The following PCGF3 variants were observed in gnomAD, a reference collection of about 807,000 sequenced individuals.
PCGF3 encodes polycomb group RING finger protein 3.
In PCGF3, 7 loss-of-function variants were observed where a neutral mutation model predicts 33.1. That is an observed-to-expected ratio of 0.21 (90% CI 0.12 to 0.40). The LOEUF (loss-of-function observed/expected upper bound fraction) is 0.40, where lower values mean the gene tolerates loss of function less well. PCGF3 is among the 10% of genes least tolerant of loss of function. The probability of loss-of-function intolerance (pLI) is 1.00; values close to 1 mark genes in which losing one functional copy is unlikely to be tolerated. For synonymous variants in PCGF3, 153 were observed against 121.3 expected, an observed-to-expected ratio of 1.26 and a Z score of -1.72; for missense variants, 211 against 313.3, an observed-to-expected ratio of 0.67 and a Z score of 2.46.
intron 5 of PCGF3, among the ~76,000 whole-genome samples, 198 bp from the exon 6 acceptor site, chr4:737,268 G>C (rs1743876572): frequency 6.6e-6 from 1 of 152,222 alleles, no homozygotes; most frequent in Admixed American, 6.5e-5. Context: ...GAAGCAGCCA[G>C]AGCCCAAGTT....
intron 8 of PCGF3, among the ~76,000 whole-genome samples, chr4:753,467 G>A (rs1012917346): frequency 3.9e-5 from 6 of 151,952 alleles, no homozygotes; most frequent in Admixed American, 6.6e-5. Flanking sequence ...ATCCTGGCTA[G>A]CACAGTGAAA....
rs749703295 is a variant in PCGF3 at position 720,976 on chromosome 4, G to A, written c.-189-9654G>A. Among the ~76,000 whole-genome samples, 1 of 152,152 alleles carries A rather than the reference G, an allele frequency of 6.6e-6. No homozygotes were observed. Among genetic ancestry groups the A allele is most frequent in the African/African-American group, 2.4e-5 (1 of 41,426 alleles). On this transcript the variant is annotated intron_variant, in intron 1 of 10. Coordinates refer to ENST00000362003, the Ensembl canonical transcript of PCGF3. The surrounding 1 kb of genome is among the most constrained non-coding windows in gnomAD (Gnocchi z 5.6). The stretch of plus-strand genomic sequence containing the variant: ...CTCTGGCATGGTCCAGGGAGTGGCC[G>A]AGGACAGCAAGGAGGAGATGACCCC...
chr4:714,409 G>A (rs1742716169), intron 1 of PCGF3, among the ~76,000 whole-genome samples: 1 of 152,208 alleles, frequency 6.6e-6, no homozygotes, highest in Admixed American at 6.5e-5. Context: ...TTGCTGGGAA[G>A]GTGAGTCCCA....
intron 8 of PCGF3, among the ~76,000 whole-genome samples, chr4:758,165 CAA>C (rs61081270): frequency 2.8e-3 from 156 of 54,894 alleles, no homozygotes; most frequent in East Asian, 0.025. Flanking sequence ...GACTCTGTCT[CAA>C]AAAAAAAAAA....
intron 1 of PCGF3, among the ~76,000 whole-genome samples, chr4:727,231 G>GTTTTT (rs1276834611): frequency 2.2e-4 from 21 of 93,868 alleles, no homozygotes; most frequent in South Asian, 4.4e-4. Context: ...GTTAGCGAGC[G>GTTTTT]TCTTTTTTTT....
At chr4:743,771 G>A in intron 7 of PCGF3, 187 bp downstream of exon 7, 1 of 525,524 alleles carries the variant, frequency 1.9e-6, no homozygotes, top group East Asian at 3.2e-5. Context: ...TGGGAACGTG[G>A]GCAGAGGGGA....
At chr4:706,492 A>G (rs566475945) in intron 1 of PCGF3, among the ~76,000 whole-genome samples, 55 of 132,588 alleles carry the variant, frequency 4.1e-4, no homozygotes, top group African/African-American at 1.4e-3. Context: ...GAGGGCCAAG[A>G]CCCCAGACCA....
intron 1 of PCGF3, among the ~76,000 whole-genome samples, chr4:708,821 A>G (rs1742445062): frequency 1.3e-5 from 2 of 152,076 alleles, no homozygotes; most frequent in South Asian, 2.1e-4. Flanking sequence ...ACTCCTGGGC[A>G]TATTTTGGGG....
At chr4:723,252 G>T (rs1009560255) in intron 1 of PCGF3, among the ~76,000 whole-genome samples, 1 of 152,244 alleles carries the variant, frequency 6.6e-6, no homozygotes, top group Non-Finnish European at 1.5e-5. Context: ...GCTCCTAGCC[G>T]CTGCAGTTGC....
In PCGF3 at chr4:733,126, GAC is replaced by G. The variant is rs559373242; in HGVS notation, c.-9-542_-9-541del. Reference sequence around the variant, plus strand: ...CCCCGTGCTGCCTCAGGCTCTGGGAGACACAGCCTCAGGAGACACCGTGGAAG... The same window carrying G: ...CCCCGTGCTGCCTCAGGCTCTGGGAGACAGCCTCAGGAGACACCGTGGAAG... On this transcript the variant is annotated intron_variant, in intron 3 of 10. Coordinates refer to ENST00000362003, the Ensembl canonical transcript of PCGF3. Among the ~76,000 whole-genome samples the G allele has an allele frequency of 6.2e-3, 922 of 148,178 alleles. 11 individuals are homozygous for G. Among genetic ancestry groups the G allele is most frequent in the African/African-American group, 0.022 (876 of 39,424 alleles).
chr4:761,038 T>C (rs1032195702), intron 8 of PCGF3, among the ~76,000 whole-genome samples: 4 of 152,226 alleles, frequency 2.6e-5, no homozygotes, highest in Non-Finnish European at 5.9e-5. Context: ...ACTATTATGT[T>C]AATAACACAG....
At chr4:764,926 C>T (rs1745279516) in intron 9 of PCGF3, 58 bp from the exon 10 acceptor site, 2 of 1,158,726 alleles carry the variant, frequency 1.7e-6, no homozygotes, top group Non-Finnish European at 2.6e-6. Context: ...ATCAAGGTGG[C>T]CATGTCAGTG....
chr4:753,382 C>T lies in PCGF3; in HGVS notation c.463-7897C>T, dbSNP rs527938175. On this transcript the variant is annotated intron_variant, in intron 8 of 10. Coordinates refer to ENST00000362003, the Ensembl canonical transcript of PCGF3. ...GTTTAAGAAGACTCTTGGCCGGGTG[C>T]GGTGGCTCACGCCCGTAATCCCAGC... is the stretch of plus-strand genomic sequence containing the variant. Among the ~76,000 whole-genome samples, 11 of 148,864 alleles carry T rather than the reference C, an allele frequency of 7.4e-5. No homozygotes were observed. The East Asian group carries it at 8.6e-4, about 12-fold the overall frequency.
intron 9 of PCGF3, chr4:762,257 T>C (rs28497436): frequency 0.37 from 96,723 of 261,084 alleles, 19,503 homozygotes; most frequent in African/African-American, 0.58. Context: ...CTAAATCCCA[T>C]GACACAAGTG....
At chr4:764,258 A>G (rs936573177) in intron 9 of PCGF3, among the ~76,000 whole-genome samples, 5 of 152,118 alleles carry the variant, frequency 3.3e-5, no homozygotes, top group Non-Finnish European at 4.4e-5. Context: ...CTTCCTCTCA[A>G]TTTTGCTGTA....
In PCGF3 at chr4:769,256, CCTTG is replaced by C. The variant is rs145786435; in HGVS notation, c.*3182_*3185del. 1,414 of 152,830 alleles carry C rather than the reference CCTTG, an allele frequency of 9.3e-3. 11 individuals carry two copies. The highest frequency in any genetic ancestry group is 0.024 in the Middle Eastern group (7 of 294). The allele number at this position is 152,830 out of a possible 1,614,324, so 9.5% of individuals were successfully genotyped here. A position where few individuals can be genotyped will look rare whatever the true frequency, so the allele number is the denominator to read the frequency against. ...CTGCCTGCACCCCCGGGCTTCGCAGCCTTGCTTGTTTTCTCTGAACAGCAACAGA... is the reference window on the plus strand; with the variant it reads ...CTGCCTGCACCCCCGGGCTTCGCAGCCTTGTTTTCTCTGAACAGCAACAGA... On this transcript the variant is annotated 3_prime_UTR_variant, in exon 11 of 11. Coordinates refer to ENST00000362003, the Ensembl canonical transcript of PCGF3.
intron 1 of PCGF3, among the ~76,000 whole-genome samples, chr4:724,622 G>A (rs750955793): frequency 5.9e-5 from 9 of 152,156 alleles, no homozygotes; most frequent in South Asian, 2.1e-4. Flanking sequence ...GTCAGGAGTC[G>A]AGACCAGCCT....
chr4:766,755 AC>A (rs1745395715), exon 11 of PCGF3: 1 of 152,208 alleles, frequency 6.6e-6, no homozygotes, highest in South Asian at 2.1e-4. Context: ...TGTGGCTGAC[AC>A]ACCCAGCCCT....
chr4:729,499 G>A (rs1233100917), intron 1 of PCGF3, among the ~76,000 whole-genome samples: 1 of 152,208 alleles, frequency 6.6e-6, no homozygotes, highest in Non-Finnish European at 1.5e-5. Context: ...GCCATGTGTG[G>A]TCAGCAGCTG....
Sources: allele counts gnomAD v4.1 joint callset (sites outside exome capture counted in the v4.1 genomes callset), GRCh38; gene constraint gnomAD v4.1.1; non-coding constraint Gnocchi (gnomAD v3.1); transcripts MANE v1.5; gene names NCBI Gene and HGNC (gene_info 2026-07-23, HGNC 2026-07-21).